The following NAA30 variants were observed in gnomAD, a reference collection of about 807,000 sequenced individuals.
NAA30 encodes N-alpha-acetyltransferase 30.
In NAA30, 5 loss-of-function variants were observed where a neutral mutation model predicts 31.4. The observed-to-expected ratio is 0.16, with a 90% CI of 0.08 to 0.33. The LOEUF (loss-of-function observed/expected upper bound fraction) is 0.33, where lower values mean the gene tolerates loss of function less well. NAA30 is among the 10% of genes least tolerant of loss of function. The probability of loss-of-function intolerance (pLI) is 1.00; values close to 1 mark genes in which losing one functional copy is unlikely to be tolerated. For synonymous variants in NAA30, 222 were observed against 207.1 expected (o/e 1.07, Z -0.62); for missense variants, 428 against 490.8 (o/e 0.87, Z 1.21).
intron 3 of NAA30, 103 bp from the exon 4 acceptor site, chr14:57,399,725 A>G: frequency 1.3e-6 from 1 of 742,844 alleles, no homozygotes; most frequent in Non-Finnish European, 2.3e-6. Flanking sequence ...TGGATTCAAG[A>G]TAGAAACTAG....
At chr14:57,400,343 A>G (rs1175907341) in intron 4 of NAA30, among the ~76,000 whole-genome samples, 1 of 152,244 alleles carries the variant, frequency 6.6e-6, no homozygotes, top group Non-Finnish European at 1.5e-5. Context: ...CTATCTGCGC[A>G]TTAACATAAG....
chr14:57,394,686 T>G (rs573170280), intron 2 of NAA30, among the ~76,000 whole-genome samples: 1 of 152,272 alleles, frequency 6.6e-6, no homozygotes, highest in African/African-American at 2.4e-5. Flanking sequence ...AGAAATCAGG[T>G]CTTAAGAATG....
At chr14:57,395,904 G>A (rs1273684920) in intron 2 of NAA30, among the ~76,000 whole-genome samples, 1 of 151,798 alleles carries the variant, frequency 6.6e-6, no homozygotes, top group Non-Finnish European at 1.5e-5. Context: ...TTTCCTGATC[G>A]AAATCTACCA....
chr14:57,399,486 C>T (rs74417105), intron 3 of NAA30, among the ~76,000 whole-genome samples: 10 of 152,120 alleles, frequency 6.6e-5, no homozygotes, highest in Admixed American at 3.9e-4. Context: ...GGAGTTCCTG[C>T]GTTGTTCTGG....
chr14:57,392,475 G>T (rs1285275424), intron 2 of NAA30, among the ~76,000 whole-genome samples: 1 of 152,002 alleles, frequency 6.6e-6, no homozygotes, highest in Non-Finnish European at 1.5e-5. Flanking sequence ...ACTGGCTTGT[G>T]TAGAGTATAA....
At chr14:57,400,934 T>C (rs2066473784) in intron 4 of NAA30, among the ~76,000 whole-genome samples, 1 of 151,622 alleles carries the variant, frequency 6.6e-6, no homozygotes, top group African/African-American at 2.4e-5. Context: ...AGTCTTGCTA[T>C]GTTGTCCAGC....
In NAA30 at chr14:57,414,062, T is replaced by C. The variant is rs1318564938; in HGVS notation, c.*4546T>C. On this transcript the variant is annotated 3_prime_UTR_variant, in exon 5 of 5. Coordinates refer to ENST00000556492, the MANE Select transcript of NAA30 (RefSeq NM_001011713.3). ...GCTACTGTATTGGACAGCAGAGCTT[T>C]AGATAAGCAGTAATAACAGGAAGGG... is the stretch of plus-strand genomic sequence containing the variant. The C allele has an allele frequency of 6.6e-6, 1 of 152,198 alleles. No individual in the cohort carries two copies. The highest frequency in any genetic ancestry group is 6.5e-5 in the Admixed American group (1 of 15,280). 9.4% of individuals were successfully genotyped at this position (152,198 alleles called of 1,614,324 possible).
chr14:57,402,001 A>G (rs2066479528), intron 4 of NAA30, among the ~76,000 whole-genome samples: 2 of 152,274 alleles, frequency 1.3e-5, no homozygotes, highest in Admixed American at 6.5e-5. Flanking sequence ...CTCCTTTTGT[A>G]TGATTATGGT....
rs373379853 is a variant in NAA30, at chr14:57,404,352, G to A, written c.951+4469G>A. 5.9e-5 allele frequency among the ~76,000 whole-genome samples: 9 copies of A among 152,158 alleles called. No individual in the cohort carries two copies. The South Asian group carries it at 1.5e-3, about 25-fold the overall frequency. ...CACACACAAAAAGAGTTTTTAGGTCGATTACTGTGAATATGAATAGCCAGA... is the reference window on the plus strand; with the variant it reads ...CACACACAAAAAGAGTTTTTAGGTCAATTACTGTGAATATGAATAGCCAGA... On this transcript the variant is annotated intron_variant, in intron 4 of 4. Transcript: ENST00000556492.
At position 57,392,969 on chromosome 14, in the gene NAA30, A is replaced by G. The variant is rs144306340; in HGVS notation, c.771+1241A>G. 5.3e-5 allele frequency among the ~76,000 whole-genome samples: 8 copies of G among 152,332 alleles called. No homozygotes were observed. In the South Asian group the frequency reaches 1.7e-3, roughly 32 times the overall value. On this transcript the variant is annotated intron_variant, in intron 2 of 4. Coordinates refer to ENST00000556492, the MANE Select transcript of NAA30 (RefSeq NM_001011713.3). ...TTATATTCTTGAAAACTGCTCTTTC[A>G]GTATTCTAAGCATTGTATCAGAATA...
At chr14:57,394,446 C>T (rs2066442521) in intron 2 of NAA30, among the ~76,000 whole-genome samples, 1 of 151,938 alleles carries the variant, frequency 6.6e-6, no homozygotes, top group Non-Finnish European at 1.5e-5. Context: ...TGAAAAAATA[C>T]ATTTAATAGC....
chr14:57,404,813 TCA>T, intron 4 of NAA30, among the ~76,000 whole-genome samples: 1 of 152,096 alleles, frequency 6.6e-6, no homozygotes, highest in Admixed American at 6.5e-5. Flanking sequence ...GAGACTTAAT[TCA>T]CTCACGAGAA....
In NAA30 at chr14:57,396,174, C is replaced by T. The variant is rs192426991; in HGVS notation, c.772-578C>T. Among the ~76,000 whole-genome samples, 3 of 152,188 alleles carry T rather than the reference C, an allele frequency of 2.0e-5. No individual in the cohort carries two copies. In the East Asian group the frequency reaches 5.8e-4, roughly 30 times the overall value. On this transcript the variant is annotated intron_variant, in intron 2 of 4. Coordinates refer to ENST00000556492, the MANE Select transcript of NAA30 (RefSeq NM_001011713.3). Reference sequence around the variant, plus strand: ...AATTTTGGTGGAGACAGGGTTTTGCCATGTTGCCCACGCTGATCTCAAACC... The same window carrying T: ...AATTTTGGTGGAGACAGGGTTTTGCTATGTTGCCCACGCTGATCTCAAACC...
intron 2 of NAA30, among the ~76,000 whole-genome samples, chr14:57,394,293 G>T (rs2066441949): frequency 6.6e-6 from 1 of 151,744 alleles, no homozygotes; most frequent in South Asian, 2.1e-4. Context: ...TTAACTTTTT[G>T]GCTTCCTCCA....
chr14:57,392,405 T>C (rs1186163512), intron 2 of NAA30, among the ~76,000 whole-genome samples: 2 of 150,930 alleles, frequency 1.3e-5, no homozygotes, highest in African/African-American at 4.9e-5. Flanking sequence ...TTGTTACCGA[T>C]CTGATTTTTT....
chr14:57,396,998 G>C, intron 3 of NAA30, 123 bp downstream of exon 3: 1 of 896,860 alleles, frequency 1.1e-6, no homozygotes, highest in Non-Finnish European at 1.6e-6. Context: ...GAAAATTAAG[G>C]CGGGTTTTAA....
Position 57,411,915 on chromosome 14 carries a change from G to A in NAA30, c.*2399G>A, listed in dbSNP as rs1317031901. On this transcript the variant is annotated 3_prime_UTR_variant, in exon 5 of 5. Transcript: ENST00000556492. ...AAAACAATTCTATCTGAAATTGGTA[G>A]CATGGGTTCACTTGGCTACAACTGA... The A allele has an allele frequency of 1.3e-5, 2 of 152,142 alleles. No homozygotes were observed. Among genetic ancestry groups the A allele is most frequent in the Non-Finnish European group, 2.9e-5 (2 of 68,004 alleles). 9.4% of individuals were successfully genotyped at this position (152,142 alleles called of 1,614,324 possible).
intron 4 of NAA30, among the ~76,000 whole-genome samples, chr14:57,401,305 C>T (rs1398604198): frequency 6.6e-6 from 1 of 152,140 alleles, no homozygotes; most frequent in African/African-American, 2.4e-5. Context: ...AGAAGGCCTA[C>T]AGACATAGTG....
rs1262689920 is a variant in NAA30 at position 57,412,443 on chromosome 14, A to G, written c.*2927A>G. ...CATCACTTTTCAGGAGTATAGATAA[A>G]ATCAAATTGGTAGTACATCAGAGTT... On this transcript the variant is annotated 3_prime_UTR_variant, in exon 5 of 5. Transcript: ENST00000556492. 1 of 152,160 alleles carries G rather than the reference A, an allele frequency of 6.6e-6. No homozygotes were observed. The allele number at this position is 152,160 out of a possible 1,614,324, so 9.4% of individuals were successfully genotyped here. A position where few individuals can be genotyped will look rare whatever the true frequency, so the allele number is the denominator to read the frequency against.
Sources: allele counts gnomAD v4.1 joint callset (sites outside exome capture counted in the v4.1 genomes callset), GRCh38; gene constraint gnomAD v4.1.1; transcripts MANE v1.5; gene names NCBI Gene and HGNC (gene_info 2026-07-23, HGNC 2026-07-21).